The following CADPS variants were observed in gnomAD, a reference collection of about 807,000 sequenced individuals.
CADPS encodes the protein calcium-dependent secretion activator 1.
In CADPS, 57 loss-of-function variants were observed where a neutral mutation model predicts 167.3. The ratio of observed to expected loss-of-function variants is 0.34; its 90% CI spans 0.28 to 0.42. The LOEUF is 0.42. Ranked by LOEUF, CADPS falls within the 20% of genes least tolerant of loss-of-function variation. The pLI, the probability that CADPS is intolerant of heterozygous loss-of-function variation, is 1.00. For missense variants in CADPS, 1,414 were observed against 1,738.1 expected, an observed-to-expected ratio of 0.81 and a Z score of 3.32; for synonymous variants, 676 against 635.3, an observed-to-expected ratio of 1.06 and a Z score of -0.96.
chr3:62,416,420 C>T (rs1276635976), intron 28 of CADPS, among the ~76,000 whole-genome samples: 1 of 152,158 alleles, frequency 6.6e-6, no homozygotes, highest in Non-Finnish European at 1.5e-5. Flanking sequence ...CAGTTTGTGT[C>T]TTTTTATTTA....
intron 24 of CADPS, among the ~76,000 whole-genome samples, chr3:62,472,436 A>T (rs1328508398): frequency 6.6e-6 from 1 of 152,160 alleles, no homozygotes; most frequent in African/African-American, 2.4e-5. Flanking sequence ...ACTCAAAGGG[A>T]TCTCAATGAA....
chr3:62,420,186 T>C lies in CADPS; in HGVS notation c.3778-17001A>G, dbSNP rs1020736710. Among the ~76,000 whole-genome samples, 1 of 152,098 alleles carries C rather than the reference T, an allele frequency of 6.6e-6. No homozygotes were observed. The highest frequency in any genetic ancestry group is 6.5e-5 in the Admixed American group (1 of 15,274). On this transcript the variant is annotated intron_variant, in intron 28 of 29. Transcript: ENST00000383710. The surrounding 1 kb of genome is among the most constrained non-coding windows in gnomAD (Gnocchi z 4.1). ...CAAGCAGATAGTGAAAGGACACAAATATACCATCTAAAAGGTACTGTCTGG... is the reference window on the plus strand; with the variant it reads ...CAAGCAGATAGTGAAAGGACACAAACATACCATCTAAAAGGTACTGTCTGG...
At chr3:62,658,337 G>C (rs2150381189) in intron 4 of CADPS, among the ~76,000 whole-genome samples, 1 of 152,256 alleles carries the variant, frequency 6.6e-6, no homozygotes, top group Middle Eastern at 3.4e-3. Context: ...TTAGCAGAGA[G>C]AGAGTTCAGG....
At chr3:62,728,100 C>T (rs904477181) in intron 3 of CADPS, among the ~76,000 whole-genome samples, 5 of 151,828 alleles carry the variant, frequency 3.3e-5, no homozygotes, top group Admixed American at 2.0e-4. Context: ...AACACGAAGT[C>T]GCTGTCCCAG....
chr3:62,707,960 C>T (rs1215129316), intron 3 of CADPS, among the ~76,000 whole-genome samples: 1 of 152,014 alleles, frequency 6.6e-6, no homozygotes, highest in East Asian at 1.9e-4. Context: ...AGTCTCTACT[C>T]TATTGTCCAG....
intron 1 of CADPS, among the ~76,000 whole-genome samples, chr3:62,800,522 G>A (rs1422083170): frequency 6.6e-6 from 1 of 152,110 alleles, no homozygotes. Context: ...TATTTTAAAT[G>A]TGAGTTTACT....
chr3:62,518,661 G>T (rs2151722349), intron 13 of CADPS, among the ~76,000 whole-genome samples: 1 of 152,214 alleles, frequency 6.6e-6, no homozygotes, highest in African/African-American at 2.4e-5. Context: ...TTAATTGGTG[G>T]CTAACAGCTT....
chr3:62,528,699 C>T (rs1190005857), intron 13 of CADPS, among the ~76,000 whole-genome samples: 1 of 152,164 alleles, frequency 6.6e-6, no homozygotes, highest in East Asian at 1.9e-4. Flanking sequence ...TAGGTTCTAA[C>T]ATTCAGGTCT....
chr3:62,753,837 G>A lies in CADPS; in HGVS notation c.556-64C>T. The A allele has an allele frequency of 6.8e-7, 1 of 1,471,384 alleles. No homozygotes were observed. The highest frequency in any genetic ancestry group is 9.2e-7 in the Non-Finnish European group (1 of 1,086,026). The allele number at this position is 1,471,384 out of a possible 1,614,324, so 91.1% of individuals were successfully genotyped here. ...TTACCACAGAGGTACCAGTTCCCTG[G>A]GGCTGGACACTGGGCCAGTCCACCT... On this transcript the variant is annotated intron_variant, in intron 2 of 29. Transcript: ENST00000383710. This position sits in a 1 kb window ranked among gnomAD's most constrained non-coding sequence, Gnocchi z 4.6.
intron 28 of CADPS, among the ~76,000 whole-genome samples, chr3:62,423,198 T>C (rs1214217882): frequency 6.6e-6 from 1 of 152,236 alleles, no homozygotes; most frequent in Non-Finnish European, 1.5e-5. Flanking sequence ...TGGGATCATT[T>C]TAGGACCAGG....
Position 62,789,929 on chromosome 3 carries a change from A to G in CADPS, c.442-23945T>C, listed in dbSNP as rs1426717318. ...GAGGGCCCACTATGTGTTTGGTCCT[A>G]TTCTAAACTCTGTGAAATAGAGCCT... On this transcript the variant is annotated intron_variant, in intron 1 of 29. Coordinates refer to ENST00000383710, the MANE Select transcript of CADPS (RefSeq NM_003716.4). Among the ~76,000 whole-genome samples, 6 of 152,258 alleles carry G rather than the reference A, an allele frequency of 3.9e-5. No individual in the cohort carries two copies. The East Asian group carries it at 7.7e-4, about 20-fold the overall frequency.
At chr3:62,764,023 GA>G (rs2086224076) in intron 2 of CADPS, among the ~76,000 whole-genome samples, 1 of 152,166 alleles carries the variant, frequency 6.6e-6, no homozygotes, top group African/African-American at 2.4e-5. Context: ...TTAATAGATA[GA>G]AATGACACTT....
intron 1 of CADPS, among the ~76,000 whole-genome samples, chr3:62,801,685 G>T (rs2093771790): frequency 6.6e-6 from 1 of 152,058 alleles, no homozygotes; most frequent in African/African-American, 2.4e-5. Flanking sequence ...TGTGCCAGGT[G>T]TTGTTCACAA....
intron 17 of CADPS, among the ~76,000 whole-genome samples, chr3:62,504,055 A>C (rs951297466): frequency 2.0e-5 from 3 of 152,240 alleles, no homozygotes; most frequent in Non-Finnish European, 4.4e-5. Flanking sequence ...ATTAATAAAA[A>C]AGATTGAAAA....
chr3:62,785,381 C>T (rs138979620), intron 1 of CADPS, among the ~76,000 whole-genome samples: 33 of 152,268 alleles, frequency 2.2e-4, no homozygotes, highest in African/African-American at 7.2e-4. Context: ...TTTGTTTGTG[C>T]CACACTGCAA....
chr3:62,833,924 G>T (rs2075516473), intron 1 of CADPS, among the ~76,000 whole-genome samples: 1 of 152,108 alleles, frequency 6.6e-6, no homozygotes, highest in East Asian at 1.9e-4. Context: ...TTTCAAAATA[G>T]GTACACATAC....
At chr3:62,522,370 C>T (rs1192785770) in intron 13 of CADPS, among the ~76,000 whole-genome samples, 1 of 152,124 alleles carries the variant, frequency 6.6e-6, no homozygotes, top group East Asian at 1.9e-4. Context: ...AACTCCTGGG[C>T]TCAAGGGATC....
intron 1 of CADPS, among the ~76,000 whole-genome samples, chr3:62,794,764 C>A (rs538822265): frequency 9.7e-6 from 1 of 103,584 alleles, no homozygotes; most frequent in South Asian, 3.0e-4. Flanking sequence ...GTTTACAAGA[C>A]AGACGCAAGG....
chr3:62,482,003 C>G (rs2062090329), intron 21 of CADPS, 134 bp from the exon 22 acceptor site: 2 of 816,804 alleles, frequency 2.4e-6, no homozygotes, highest in Admixed American at 5.4e-5. Flanking sequence ...CGACACACTT[C>G]AGAAAGCAGC....
Sources: gnomAD v4.1 joint callset for allele counts (sites outside exome capture counted in the v4.1 genomes callset) on GRCh38, gnomAD v4.1.1 for gene constraint, Gnocchi (gnomAD v3.1) non-coding constraint, MANE v1.5 for transcripts, NCBI Gene and HGNC (gene_info 2026-07-23, HGNC 2026-07-21) for gene names.